The following TTC7A variants were observed in gnomAD, a reference collection of about 807,000 sequenced individuals.
TTC7A encodes the protein tetratricopeptide repeat domain 7A.
In TTC7A, 110 loss-of-function variants were observed where a neutral mutation model predicts 103.7. The ratio of observed to expected loss-of-function variants is 1.06; its 90% confidence interval spans 0.91 to 1.24. The LOEUF is 1.24. Among genes scored for constraint, TTC7A ranks in the 50% most tolerant of loss-of-function variants. The pLI is 0.00. For missense variants in TTC7A, 1,340 were observed against 1,116.3 expected (o/e 1.20, Z -2.86); for synonymous variants, 521 against 467.9 (o/e 1.11, Z -1.47).
chr2:46,945,721 C>T (rs991770070), intron 1 of TTC7A, among the ~76,000 whole-genome samples: 1 of 147,140 alleles, frequency 6.8e-6, no homozygotes, highest in Non-Finnish European at 1.5e-5. Context: ...TAGTCACCCT[C>T]CCCGCCGCCC....
Position 47,076,090 on chromosome 2 carries a change from A to C in TTC7A, c.*2167A>C, listed in dbSNP as rs1409792896. 6.6e-6 allele frequency: 1 copy of C among 152,232 alleles called. No individual in the cohort carries two copies. Among genetic ancestry groups the C allele is most frequent in the African/African-American group, 2.4e-5 (1 of 41,424 alleles). The allele number at this position is 152,232 out of a possible 1,614,324, so 9.4% of individuals were successfully genotyped here. ...TATGCCACATACCAACGTACTGTGG[A>C]TATTATAACCTGCATTAAAACAACT... On this transcript the variant is annotated 3_prime_UTR_variant, in exon 20 of 20. Coordinates refer to ENST00000319190, the MANE Select transcript of TTC7A (RefSeq NM_020458.4).
upstream of TTC7A, among the ~76,000 whole-genome samples, chr2:46,937,479 G>A (rs781112578): frequency 3.3e-5 from 5 of 152,152 alleles, no homozygotes; most frequent in Admixed American, 6.5e-5. This position sits in a 1 kb window ranked among gnomAD's most constrained non-coding sequence, Gnocchi z 4.0. Context: ...ATGGGACTTC[G>A]AATTGTTTTA....
chr2:47,014,926 C>G (rs1678477425), intron 11 of TTC7A, among the ~76,000 whole-genome samples: 1 of 152,258 alleles, frequency 6.6e-6, no homozygotes, highest in African/African-American at 2.4e-5. Context: ...ACACCCCATA[C>G]CGGGTCTGGG....
chr2:46,954,321 C>T lies in TTC7A; in HGVS notation c.349-2518C>T, dbSNP rs536936076. The stretch of plus-strand genomic sequence containing the variant: ...GTTCCTCTGGTAAAGCGACCTCCCC[C>T]GTGGCACCCTCCCACTGGGCAAGGG... On this transcript the variant is annotated intron_variant, in intron 2 of 19. Transcript: ENST00000319190. 8.5e-5 allele frequency among the ~76,000 whole-genome samples: 13 copies of T among 152,210 alleles called. No homozygotes were observed. The East Asian group carries it at 9.7e-4, about 11-fold the overall frequency.
At chr2:46,962,585 AG>A (rs776618517) in intron 3 of TTC7A, among the ~76,000 whole-genome samples, 1 of 152,206 alleles carries the variant, frequency 6.6e-6, no homozygotes, top group African/African-American at 2.4e-5. Flanking sequence ...ATGCAGCTAG[AG>A]GGGAAGCAGC....
At chr2:46,996,139 G>A (rs1231892756) in intron 8 of TTC7A, among the ~76,000 whole-genome samples, 1 of 152,208 alleles carries the variant, frequency 6.6e-6, no homozygotes, top group Non-Finnish European at 1.5e-5. Context: ...CTCAGCAAAG[G>A]AGAGTGCACT....
Position 47,050,002 on chromosome 2 carries a change from G to C in TTC7A, c.1973G>C (p.Ser658Thr). ...FGEGLTMKKQSGMHLTLPDAH... is the reference protein window; with the variant it reads ...FGEGLTMKKQTGMHLTLPDAH... ...GAGGGCCTCACCATGAAGAAGCAGAGTGGCATGCACCTGACTTTGCCTGAT... is the reference window on the plus strand; with the variant it reads ...GAGGGCCTCACCATGAAGAAGCAGACTGGCATGCACCTGACTTTGCCTGAT... Residue 658 changes from serine (S) to threonine (T), a missense_variant, in exon 17 of 20, where the codon AGT becomes ACT. Physicochemically the swap from Ser to Thr is moderately conservative, Grantham distance 58 (BLOSUM62 1). Coordinates refer to ENST00000319190, the MANE Select transcript of TTC7A (RefSeq NM_020458.4). 6.2e-7 allele frequency: 1 copy of C among 1,614,162 alleles called. No homozygotes were observed. The highest frequency in any genetic ancestry group is 8.5e-7 in the Non-Finnish European group (1 of 1,180,032).
chr2:46,976,702 A>C (rs1302007821), intron 4 of TTC7A, among the ~76,000 whole-genome samples: 3 of 152,120 alleles, frequency 2.0e-5, no homozygotes, highest in Non-Finnish European at 4.4e-5. Flanking sequence ...ATATTATAGG[A>C]TGTTCAGCAG....
chr2:46,953,118 TTAA>T (rs1671551326), intron 2 of TTC7A, among the ~76,000 whole-genome samples: 1 of 152,160 alleles, frequency 6.6e-6, no homozygotes, highest in Admixed American at 6.5e-5. Flanking sequence ...AGCCAAAAAC[TTAA>T]TGATGATCTG....
intron 18 of TTC7A, among the ~76,000 whole-genome samples, chr2:47,057,598 G>A (rs542384141): frequency 6.6e-6 from 1 of 152,202 alleles, no homozygotes; most frequent in Non-Finnish European, 1.5e-5. Context: ...CCAGGGGAGT[G>A]GGGAGCTTGA....
In TTC7A at chr2:46,994,350, C is replaced by T. The variant is rs765541604; in HGVS notation, c.844-7C>T. ...TGCCTGGGTCCGAGTGCTTCCCTCTCTGCCAGATGGCGGCCAAGCACCTGG... is the reference window on the plus strand; with the variant it reads ...TGCCTGGGTCCGAGTGCTTCCCTCTTTGCCAGATGGCGGCCAAGCACCTGG... On this transcript the variant is annotated splice_region_variant and splice_polypyrimidine_tract_variant and intron_variant, in intron 6 of 19. Coordinates refer to ENST00000319190, the MANE Select transcript of TTC7A (RefSeq NM_020458.4). 1.2e-6 allele frequency: 2 copies of T among 1,610,692 alleles called. No homozygotes were observed. Among genetic ancestry groups the T allele is most frequent in the African/African-American group, 1.3e-5 (1 of 74,848 alleles).
In TTC7A at chr2:47,074,730, C is replaced by G. The variant is rs1338499108; in HGVS notation, c.*807C>G. On this transcript the variant is annotated 3_prime_UTR_variant, in exon 20 of 20. Transcript: ENST00000319190. ...GTTTCTAGGACTGTCCCCAGTACAT[C>G]TCACCACCCACAGCCCTTTTTTTGC... 1 of 152,446 alleles carries G rather than the reference C, an allele frequency of 6.6e-6. No homozygotes were observed. Among genetic ancestry groups the G allele is most frequent in the Non-Finnish European group, 1.5e-5 (1 of 68,224 alleles). The allele number at this position is 152,446 out of a possible 1,614,324, so 9.4% of individuals were successfully genotyped here.
intron 16 of TTC7A, chr2:47,047,293 G>T (rs1362373835): frequency 1.3e-6 from 2 of 1,549,924 alleles, no homozygotes; most frequent in South Asian, 2.4e-5. Flanking sequence ...AAGGCTTCCA[G>T]ACTCCCCAGA....
intron 8 of TTC7A, chr2:46,999,628 G>A: frequency 1.0e-6 from 1 of 985,452 alleles, no homozygotes; most frequent in South Asian, 4.7e-5. Context: ...CAAATCAGAA[G>A]GAATGACCCC....
At chr2:46,955,406 T>C (rs1572713294) in intron 2 of TTC7A, among the ~76,000 whole-genome samples, 1 of 152,176 alleles carries the variant, frequency 6.6e-6, no homozygotes, top group East Asian at 1.9e-4. Context: ...TTTGGAGAGT[T>C]AATTAATAGA....
At chr2:46,953,127 A>G (rs1177598287) in intron 2 of TTC7A, among the ~76,000 whole-genome samples, 1 of 152,182 alleles carries the variant, frequency 6.6e-6, no homozygotes, top group South Asian at 2.1e-4. Flanking sequence ...CTTAATGATG[A>G]TCTGTAAAAT....
chr2:47,062,220 G>A (rs973257140), intron 19 of TTC7A, among the ~76,000 whole-genome samples: 5 of 152,206 alleles, frequency 3.3e-5, no homozygotes, highest in Non-Finnish European at 5.9e-5. Flanking sequence ...GTCATGGGGA[G>A]GAGCCAGACC....
At chr2:46,966,037 C>T (rs1672808741) in intron 3 of TTC7A, among the ~76,000 whole-genome samples, 3 of 152,122 alleles carry the variant, frequency 2.0e-5, no homozygotes, top group Non-Finnish European at 1.5e-5. Context: ...GCAACCTCCA[C>T]CTCCCGGGTT....
intron 6 of TTC7A, among the ~76,000 whole-genome samples, chr2:46,994,043 C>T (rs1675898376): frequency 6.6e-6 from 1 of 152,126 alleles, no homozygotes; most frequent in African/African-American, 2.4e-5. Flanking sequence ...ACTGCAAGGT[C>T]CTGCTGAATA....
Sources: allele counts gnomAD v4.1 joint callset (sites outside exome capture counted in the v4.1 genomes callset), GRCh38; gene constraint gnomAD v4.1.1; non-coding constraint Gnocchi (gnomAD v3.1); transcripts MANE v1.5; gene names NCBI Gene and HGNC (gene_info 2026-07-23, HGNC 2026-07-21).